The following COL25A1 variants were observed in gnomAD, a reference collection of about 807,000 sequenced individuals.
COL25A1 encodes the protein collagen alpha-1(XXV) chain.
COL25A1 carries 103 observed loss-of-function variants against 128.4 expected under a neutral mutation model. That is an observed-to-expected ratio of 0.80 (90% CI 0.68 to 0.94). The LOEUF (loss-of-function observed/expected upper bound fraction) is 0.94, where lower values mean the gene tolerates loss of function less well. Ranked by LOEUF, COL25A1 falls within the 40% of genes least tolerant of loss-of-function variation. The probability of loss-of-function intolerance (pLI) is 0.00; values close to 1 mark genes in which losing one functional copy is unlikely to be tolerated. For synonymous variants in COL25A1, 279 were observed against 277.2 expected (o/e 1.01, Z -0.06); for missense variants, 745 against 840.0 (o/e 0.89, Z 1.40).
chr4:108,928,034 T>C (rs1009282722), intron 11 of COL25A1, among the ~76,000 whole-genome samples: 14 of 152,146 alleles, frequency 9.2e-5, no homozygotes, highest in Non-Finnish European at 1.9e-4. Flanking sequence ...AATTGCTTCG[T>C]ATTGCTAAAC....
chr4:109,294,402 AAC>A (rs1462975213), intron 3 of COL25A1, among the ~76,000 whole-genome samples: 18 of 152,266 alleles, frequency 1.2e-4, no homozygotes, highest in African/African-American at 4.3e-4. Context: ...ACTTTTTTAA[AAC>A]AGTCAATTTT....
intron 5 of COL25A1, among the ~76,000 whole-genome samples, chr4:109,018,671 C>A (rs1268177792): frequency 6.6e-6 from 1 of 152,190 alleles, no homozygotes; most frequent in Non-Finnish European, 1.5e-5. Context: ...TTTGCATTTT[C>A]TTCTCCAATA....
chr4:108,965,719 G>A (rs186292731), intron 8 of COL25A1, among the ~76,000 whole-genome samples: 119 of 152,240 alleles, frequency 7.8e-4, no homozygotes, highest in Admixed American at 6.0e-3. Flanking sequence ...GAGAGACAGC[G>A]GTAGCAGTAG....
intron 19 of COL25A1, among the ~76,000 whole-genome samples, chr4:108,882,444 T>G (rs1368838513): frequency 1.3e-5 from 2 of 152,146 alleles, no homozygotes; most frequent in Non-Finnish European, 2.9e-5. Context: ...GCTTCAGCCC[T>G]TCCTTTTAAA....
chr4:109,197,361 A>T (rs1487853520), intron 3 of COL25A1, among the ~76,000 whole-genome samples: 2 of 130,292 alleles, frequency 1.5e-5, no homozygotes, highest in Non-Finnish European at 3.1e-5. Context: ...ATTATATATA[A>T]AAATATATAA....
intron 19 of COL25A1, among the ~76,000 whole-genome samples, chr4:108,880,693 A>T (rs549535781): frequency 1.0e-3 from 158 of 152,350 alleles, no homozygotes; most frequent in African/African-American, 3.6e-3. Context: ...GACAGATGAT[A>T]GAAGTTGCCC....
chr4:109,178,002 A>G (rs981023931), intron 3 of COL25A1, among the ~76,000 whole-genome samples: 4 of 152,242 alleles, frequency 2.6e-5, no homozygotes, highest in Non-Finnish European at 5.9e-5. Context: ...CATGAGTAGA[A>G]TATCTATTTT....
intron 30 of COL25A1, among the ~76,000 whole-genome samples, chr4:108,842,776 A>G (rs986066101): frequency 6.6e-6 from 1 of 152,110 alleles, no homozygotes; most frequent in African/African-American, 2.4e-5. Flanking sequence ...CTTCTATCTT[A>G]TAGTAGAGGG....
At chr4:108,966,591 G>A (rs941946590) in intron 8 of COL25A1, among the ~76,000 whole-genome samples, 2 of 152,134 alleles carry the variant, frequency 1.3e-5, no homozygotes, top group Non-Finnish European at 2.9e-5. Context: ...GCTCGCACCT[G>A]TAATCCCAGC....
intron 3 of COL25A1, among the ~76,000 whole-genome samples, chr4:109,288,962 T>TATACACACAC (rs1021982305): frequency 1.1e-3 from 152 of 133,594 alleles, no homozygotes; most frequent in African/African-American, 4.0e-3. Context: ...AAATTATATA[T>TATACACACAC]ACACACACAC....
chr4:108,975,540 T>C (rs979431236), intron 6 of COL25A1, among the ~76,000 whole-genome samples: 7 of 152,224 alleles, frequency 4.6e-5, no homozygotes, highest in Admixed American at 2.0e-4. Context: ...GAAAAGGAAC[T>C]GTTAGGTTAC....
chr4:108,972,932 CT>C (rs35089227), intron 8 of COL25A1, among the ~76,000 whole-genome samples: 1 of 152,150 alleles, frequency 6.6e-6, no homozygotes, highest in East Asian at 1.9e-4. Flanking sequence ...AATCATCACT[CT>C]TTTTAACGAT....
intron 8 of COL25A1, among the ~76,000 whole-genome samples, chr4:108,968,028 T>C (rs2125981433): frequency 6.6e-6 from 1 of 152,282 alleles, no homozygotes; most frequent in Non-Finnish European, 1.5e-5. Flanking sequence ...AAATGCAGTG[T>C]TTGGAAGAAT....
At chr4:109,154,545 G>C (rs963702167) in intron 3 of COL25A1, among the ~76,000 whole-genome samples, 23 of 152,186 alleles carry the variant, frequency 1.5e-4, no homozygotes, top group African/African-American at 5.5e-4. Context: ...TGTTGGGTCA[G>C]GTCTGTGGGG....
At chr4:108,928,514 GTATT>G (rs964122842) in intron 11 of COL25A1, among the ~76,000 whole-genome samples, 15 of 138,810 alleles carry the variant, frequency 1.1e-4, no homozygotes, top group Non-Finnish European at 1.5e-4. Flanking sequence ...ATTTATTTAT[GTATT>G]TATTTATGTA....
chr4:109,030,883 G>T (rs1758787138), intron 5 of COL25A1, among the ~76,000 whole-genome samples: 1 of 152,078 alleles, frequency 6.6e-6, no homozygotes, highest in Non-Finnish European at 1.5e-5. Context: ...CTCCCGAGTA[G>T]CTGGGTCTAC....
chr4:108,974,231 C>G, intron 8 of COL25A1, 136 bp downstream of exon 8: 1 of 803,004 alleles, frequency 1.2e-6, no homozygotes, highest in Non-Finnish European at 2.1e-6. Flanking sequence ...TTTTCACTTA[C>G]AAGTGGTATG....
chr4:108,953,422 T>C (rs993233301), intron 8 of COL25A1, among the ~76,000 whole-genome samples: 1 of 152,198 alleles, frequency 6.6e-6, no homozygotes, highest in African/African-American at 2.4e-5. Context: ...CTAAAATATT[T>C]ATTGCAATTT....
At chr4:108,922,143 T>C (rs1253029200) in intron 11 of COL25A1, among the ~76,000 whole-genome samples, 1 of 152,180 alleles carries the variant, frequency 6.6e-6, no homozygotes, top group Non-Finnish European at 1.5e-5. Flanking sequence ...TCTTCACTAG[T>C]TCTTCCCCTT....
Sources: allele counts gnomAD v4.1 joint callset (sites outside exome capture counted in the v4.1 genomes callset), GRCh38; gene constraint gnomAD v4.1.1; transcripts MANE v1.5; gene names NCBI Gene and HGNC (gene_info 2026-07-23, HGNC 2026-07-21).